Variants in ENOX1 observed in about 807,000 individuals in gnomAD.
The protein encoded by ENOX1 is candidate growth-related and time keeping constitutive hydroquinone (NADH) oxidase.
ENOX1 carries 42 observed loss-of-function variants against 82.5 expected under a neutral mutation model. That is an observed-to-expected ratio of 0.51 (90% CI 0.40 to 0.66). ENOX1 has a LOEUF of 0.66. ENOX1 is among the 30% of genes least tolerant of loss of function. The pLI is 0.00. For synonymous variants in ENOX1, 271 were observed against 282.2 expected, an observed-to-expected ratio of 0.96 and a Z score of 0.40; for missense variants, 608 against 811.6, an observed-to-expected ratio of 0.75 and a Z score of 3.05.
chr13:43,633,335 C>T (rs2153751710), intron 2 of ENOX1, among the ~76,000 whole-genome samples: 1 of 152,192 alleles, frequency 6.6e-6, no homozygotes, highest in African/African-American at 2.4e-5. Flanking sequence ...GGAAATTTGC[C>T]AGTATCTATC....
intron 2 of ENOX1, among the ~76,000 whole-genome samples, chr13:43,633,222 A>G (rs2083287333): frequency 6.6e-6 from 1 of 152,350 alleles, no homozygotes; most frequent in East Asian, 1.9e-4. Context: ...AATAAGTAAA[A>G]CATTTTAAAG....
At chr13:43,611,319 G>C (rs1305086224) in intron 2 of ENOX1, among the ~76,000 whole-genome samples, 2 of 152,116 alleles carry the variant, frequency 1.3e-5, no homozygotes. Flanking sequence ...CAATCCTTTG[G>C]TGTACATATT....
chr13:43,286,181 C>T (rs2045693278), intron 12 of ENOX1, among the ~76,000 whole-genome samples: 1 of 152,194 alleles, frequency 6.6e-6, no homozygotes, highest in South Asian at 2.1e-4. Flanking sequence ...AAGTCAAAGC[C>T]AGACCACAAG....
In ENOX1 at chr13:43,470,366, G is replaced by A. The variant is rs76800044; in HGVS notation, c.-75+13643C>T. On this transcript the variant is annotated intron_variant, in intron 3 of 16. Transcript: ENST00000690772. ...CGTATATATATATGTATATATATACGTATATATATACATATATATACGTAT... is the reference window on the plus strand; with the variant it reads ...CGTATATATATATGTATATATATACATATATATATACATATATATACGTAT... 9.7e-4 allele frequency among the ~76,000 whole-genome samples: 7 copies of A among 7,192 alleles called. 1 individual carries two copies. Among genetic ancestry groups the A allele is most frequent in the South Asian group, 7.0e-3 (1 of 142 alleles). The allele number at this position is 7,192 out of a possible 152,430, so 4.7% of individuals were successfully genotyped here. A position where few individuals can be genotyped will look rare whatever the true frequency, so the allele number is the denominator to read the frequency against.
At position 43,356,054 on chromosome 13, in the gene ENOX1, A is replaced by C; in HGVS notation, c.688T>G (p.Cys230Gly). ...QARDDFYEWE[C>G]KQRMRAREER... The stretch of plus-strand genomic sequence containing the variant: ...TCCCGGGCACGCATCCTCTGCTTGC[A>C]TTCCCACTCATAGAAGTCATCCCTG... The change falls in exon 8 of 17, where the codon TGC becomes GGC. Residue 230 changes from cysteine (C) to glycine (G), a missense_variant. By Grantham distance (159) the Cys-to-Gly change is radical. Transcript: ENST00000690772. 6.2e-7 allele frequency: 1 copy of C among 1,614,134 alleles called. No homozygotes were observed. Among genetic ancestry groups the C allele is most frequent in the Non-Finnish European group, 8.5e-7 (1 of 1,180,028 alleles).
chr13:43,715,603 C>T (rs1259294750), intron 1 of ENOX1, among the ~76,000 whole-genome samples: 1 of 152,176 alleles, frequency 6.6e-6, no homozygotes, highest in Non-Finnish European at 1.5e-5. Context: ...TTCAGGTACA[C>T]CAATCAGACG....
At chr13:43,343,858 T>C (rs1566560468) in intron 9 of ENOX1, among the ~76,000 whole-genome samples, 2 of 151,806 alleles carry the variant, frequency 1.3e-5, no homozygotes, top group African/African-American at 2.4e-5. Context: ...AGAGTGCCCA[T>C]AAAAAAAATA....
chr13:43,749,177 G>A (rs2153830380), intron 1 of ENOX1, among the ~76,000 whole-genome samples: 1 of 152,214 alleles, frequency 6.6e-6, no homozygotes. Context: ...TCTTTAATCT[G>A]AATTTTAGTG....
chr13:43,338,066 A>G (rs1212416372), intron 9 of ENOX1, among the ~76,000 whole-genome samples: 1 of 152,202 alleles, frequency 6.6e-6, no homozygotes, highest in Non-Finnish European at 1.5e-5. Flanking sequence ...CTCTCTTACC[A>G]GGAAGCATGT....
chr13:43,259,094 C>A (rs2043913113), intron 14 of ENOX1, among the ~76,000 whole-genome samples: 1 of 152,178 alleles, frequency 6.6e-6, no homozygotes, highest in African/African-American at 2.4e-5. Flanking sequence ...CTGATCACAT[C>A]AGCACTGCAA....
chr13:43,269,267 A>G lies in ENOX1; in HGVS notation c.1554+203T>C, dbSNP rs145189492. 5.2e-3 allele frequency among the ~76,000 whole-genome samples: 796 copies of G among 152,336 alleles called. 7 individuals are homozygous for G. The highest frequency in any genetic ancestry group is 0.019 in the African/African-American group (772 of 41,576). On this transcript the variant is annotated intron_variant, in intron 13 of 16. Transcript: ENST00000690772. ...CAACACTGGCAGGCTTGGGCAATCT[A>G]AACAAGTACAGGAGTGAGGATAGCG...
In ENOX1 at chr13:43,236,699, G is replaced by A. The variant is rs1460121233; in HGVS notation, c.1651C>T (p.Arg551Ter). The A allele has an allele frequency of 1.9e-6, 3 of 1,587,732 alleles. No individual in the cohort carries two copies. The highest frequency in any genetic ancestry group is 1.7e-6 in the Non-Finnish European group (2 of 1,173,088). ...VLTVALVNQD[R>*]ENNIEKRSQG... ...CTTCTTTTCTCAATATTGTTCTCTC[G>A]GTCTTGGTTGACTAATGCAACTGTC... is the stretch of plus-strand genomic sequence containing the variant. The change falls in exon 15 of 17, where the codon CGA (arginine) becomes TGA (stop). Residue 551 changes from arginine to a stop codon, truncating the protein, a stop_gained. Coordinates refer to ENST00000690772, the MANE Select transcript of ENOX1 (RefSeq NM_001347969.2). LOFTEE classifies it high-confidence loss of function.
intron 15 of ENOX1, 32 bp downstream of exon 15, chr13:43,236,604 G>A: frequency 7.5e-7 from 1 of 1,328,840 alleles, no homozygotes; most frequent in Non-Finnish European, 1.0e-6. Context: ...AATTATTTAA[G>A]AGAACAGATG....
intron 14 of ENOX1, among the ~76,000 whole-genome samples, chr13:43,254,879 T>A (rs1417732013): frequency 6.6e-6 from 1 of 152,046 alleles, no homozygotes; most frequent in Non-Finnish European, 1.5e-5. Flanking sequence ...AGTAATGAGA[T>A]TGAAGCAGTA....
chr13:43,231,735 C>T (rs988553684), intron 15 of ENOX1, among the ~76,000 whole-genome samples: 4 of 152,172 alleles, frequency 2.6e-5, no homozygotes, highest in African/African-American at 7.2e-5. Flanking sequence ...GATTTTACTA[C>T]GAACCACAGT....
chr13:43,504,345 G>C (rs956626391), intron 2 of ENOX1, among the ~76,000 whole-genome samples: 3 of 151,484 alleles, frequency 2.0e-5, no homozygotes, highest in Non-Finnish European at 4.4e-5. Context: ...TCAAAGTCTG[G>C]GTCACAAAGA....
chr13:43,590,104 A>T (rs1266602391), intron 2 of ENOX1, among the ~76,000 whole-genome samples: 1 of 152,196 alleles, frequency 6.6e-6, no homozygotes, highest in Non-Finnish European at 1.5e-5. Flanking sequence ...GGCTGAATAA[A>T]TGAGAGGAAA....
chr13:43,476,735 C>T (rs770165356), intron 3 of ENOX1, among the ~76,000 whole-genome samples: 15 of 152,124 alleles, frequency 9.9e-5, no homozygotes, highest in Non-Finnish European at 2.2e-4. Context: ...GATAGAGGCA[C>T]ATTCAACAGA....
chr13:43,785,077 C>G (rs1221894940), intron 1 of ENOX1, among the ~76,000 whole-genome samples: 1 of 152,238 alleles, frequency 6.6e-6, no homozygotes, highest in African/African-American at 2.4e-5. Flanking sequence ...AGGGCTTTCA[C>G]TTTTTCAAAC....
Sources: gnomAD v4.1 joint callset for allele counts (sites outside exome capture counted in the v4.1 genomes callset) on GRCh38, gnomAD v4.1.1 for gene constraint, MANE v1.5 for transcripts, NCBI Gene and HGNC (gene_info 2026-07-23, HGNC 2026-07-21) for gene names.